Variants in TM2D1 observed in about 807,000 individuals in gnomAD.
The protein encoded by TM2D1 is TM2 domain-containing protein 1.
A neutral mutation model predicts 28.4 loss-of-function variants in TM2D1; 15 were observed. The observed-to-expected ratio is 0.53, with a 90% confidence interval of 0.35 to 0.81. The LOEUF is 0.81. Among genes scored for constraint, TM2D1 ranks in the 40% least tolerant of loss-of-function variants. The probability of loss-of-function intolerance (pLI) is 0.01; values close to 1 mark genes in which losing one functional copy is unlikely to be tolerated. For missense variants in TM2D1, 236 were observed against 254.9 expected (o/e 0.93, Z 0.50); for synonymous variants, 93 against 96.2 (o/e 0.97, Z 0.20).
chr1:61,710,503 TAC>T (rs4020071), intron 2 of TM2D1, among the ~76,000 whole-genome samples: 61,159 of 126,130 alleles, frequency 0.48, 13,885 homozygotes, highest in Admixed American at 0.57. Context: ...TATACACACA[TAC>T]ACACACACAC....
At chr1:61,695,145 G>A (rs1469362377) in intron 4 of TM2D1, among the ~76,000 whole-genome samples, 1 of 151,714 alleles carries the variant, frequency 6.6e-6, no homozygotes, top group Non-Finnish European at 1.5e-5. Flanking sequence ...CATACATTAT[G>A]TGACCCAAAA....
At chr1:61,709,228 C>T in intron 3 of TM2D1, 101 bp downstream of exon 3, 3 of 719,864 alleles carry the variant, frequency 4.2e-6, no homozygotes, top group Non-Finnish European at 7.0e-6. Flanking sequence ...ATAAAAGATA[C>T]ATTTTCAGGA....
At chr1:61,722,680 T>G (rs951036167) in intron 2 of TM2D1, among the ~76,000 whole-genome samples, 2 of 152,218 alleles carry the variant, frequency 1.3e-5, no homozygotes, top group Non-Finnish European at 2.9e-5. Context: ...TAAAGGAACT[T>G]TGTAAGTAAT....
rs1644280982 is a variant in TM2D1 at position 61,685,798 on chromosome 1, G to GT, written c.514-2253dup. Among the ~76,000 whole-genome samples, 3 of 152,162 alleles carry GT rather than the reference G, an allele frequency of 2.0e-5. No homozygotes were observed. In the South Asian group the frequency reaches 6.2e-4, roughly 32 times the overall value. ...GCAGGAAGACTGCTTGAAGCCAGAA[G>GT]TTTGAGACCAGCATGGGCAAAAAAG... On this transcript the variant is annotated intron_variant, in intron 5 of 6. Transcript: ENST00000606498.
At chr1:61,724,593 A>G (rs565138393) in intron 1 of TM2D1, among the ~76,000 whole-genome samples, 2 of 152,340 alleles carry the variant, frequency 1.3e-5, no homozygotes, top group South Asian at 4.1e-4. Flanking sequence ...AGAGTTGGCA[A>G]ACATTTCCAG....
chr1:61,685,214 A>G (rs528115127), intron 5 of TM2D1, among the ~76,000 whole-genome samples: 37 of 152,354 alleles, frequency 2.4e-4, no homozygotes, highest in Admixed American at 2.4e-3. Context: ...TATAATGGTT[A>G]GTGAAGAGTT....
At chr1:61,716,435 G>GTATAATTATATATAATTATATATACGTA (rs1644520811) in intron 2 of TM2D1, among the ~76,000 whole-genome samples, 2 of 136,348 alleles carry the variant, frequency 1.5e-5, no homozygotes, top group Non-Finnish European at 3.1e-5. Flanking sequence ...ATATATAAGT[G>GTATAATTATATATAATTATATATACGTA]TATAATTATA....
intron 5 of TM2D1, among the ~76,000 whole-genome samples, chr1:61,684,577 C>T (rs750858384): frequency 6.6e-6 from 1 of 152,098 alleles, no homozygotes; most frequent in Non-Finnish European, 1.5e-5. Flanking sequence ...TACATTCTAC[C>T]GTATCTGTTC....
chr1:61,718,679 G>C (rs763892213), intron 2 of TM2D1, among the ~76,000 whole-genome samples: 8 of 152,278 alleles, frequency 5.3e-5, no homozygotes, highest in Non-Finnish European at 7.3e-5. Flanking sequence ...TATGCCCCCA[G>C]ATGTGAGATG....
chr1:61,689,543 A>T (rs1181936918), intron 5 of TM2D1, among the ~76,000 whole-genome samples: 3 of 152,090 alleles, frequency 2.0e-5, no homozygotes, highest in African/African-American at 7.2e-5. Context: ...CAAATTTTTT[A>T]AAAATTTTTT....
chr1:61,700,161 G>A (rs1204529859), intron 4 of TM2D1: 5 of 1,514,756 alleles, frequency 3.3e-6, no homozygotes, highest in East Asian at 2.5e-5. Context: ...TCTTAATCTC[G>A]TGACAATTTT....
chr1:61,685,267 A>G (rs926397975), intron 5 of TM2D1, among the ~76,000 whole-genome samples: 2 of 152,226 alleles, frequency 1.3e-5, no homozygotes, highest in African/African-American at 4.8e-5. Flanking sequence ...AAATCCTACG[A>G]TATTTATATT....
At chr1:61,723,943 T>C (rs1056027430) in intron 1 of TM2D1, among the ~76,000 whole-genome samples, 157 bp from the exon 2 acceptor site, 2 of 152,158 alleles carry the variant, frequency 1.3e-5, no homozygotes, top group African/African-American at 4.8e-5. Flanking sequence ...ATACTTTTAG[T>C]ATTGCTAAGT....
intron 4 of TM2D1, chr1:61,697,570 C>T (rs1308904082): frequency 6.6e-6 from 1 of 151,946 alleles, no homozygotes; most frequent in Non-Finnish European, 1.5e-5. Flanking sequence ...ATACAATGAC[C>T]TAAATGACAT....
At position 61,701,808 on chromosome 1, in the gene TM2D1, T is replaced by G. The variant is rs942018634; in HGVS notation, c.348-783A>C. Among the ~76,000 whole-genome samples, 7 of 151,560 alleles carry G rather than the reference T, an allele frequency of 4.6e-5. No homozygotes were observed. The East Asian group carries it at 1.4e-3, about 29-fold the overall frequency. ...GCTGAAATCTAATGGGCAGTAACAG[T>G]GGGAGAAAGAAGTGAACAAAATTGG... On this transcript the variant is annotated intron_variant, in intron 3 of 6. Coordinates refer to ENST00000606498, the MANE Select transcript of TM2D1 (RefSeq NM_032027.3).
At chr1:61,724,510 A>G (rs1186795979) in intron 1 of TM2D1, 4 of 157,196 alleles carry the variant, frequency 2.5e-5, no homozygotes, top group Admixed American at 6.4e-5. Context: ...GGTAATATGC[A>G]TAATATACAT....
chr1:61,695,298 G>C (rs1213126808), intron 4 of TM2D1, among the ~76,000 whole-genome samples: 1 of 151,902 alleles, frequency 6.6e-6, no homozygotes. Context: ...TTTTCCTAAG[G>C]ATCACCTGTT....
chr1:61,709,971 T>A (rs1644465319), intron 2 of TM2D1, among the ~76,000 whole-genome samples: 1 of 152,318 alleles, frequency 6.6e-6, no homozygotes, highest in South Asian at 2.1e-4. Context: ...ATTTAAGCAA[T>A]CTTGATCCTT....
intron 2 of TM2D1, among the ~76,000 whole-genome samples, chr1:61,723,151 CA>C (rs1644580448): frequency 6.6e-6 from 1 of 152,132 alleles, no homozygotes; most frequent in Non-Finnish European, 1.5e-5. Flanking sequence ...GTTAAATACA[CA>C]CACATAAACA....
Sources: allele counts gnomAD v4.1 joint callset (sites outside exome capture counted in the v4.1 genomes callset), GRCh38; gene constraint gnomAD v4.1.1; transcripts MANE v1.5; gene names NCBI Gene and HGNC (gene_info 2026-07-23, HGNC 2026-07-21).